ZBTB7C: variants seen among roughly 807,000 people sequenced by gnomAD.
ZBTB7C encodes zinc finger and BTB domain containing 7C, also known as zinc finger and BTB domain-containing protein 7C.
Under a neutral mutation model 25.7 loss-of-function variants are expected in ZBTB7C, and 8 were observed. The observed-to-expected ratio is 0.31, with a 90% CI of 0.18 to 0.56. ZBTB7C has a LOEUF of 0.56. ZBTB7C is among the 20% of genes least tolerant of loss of function. The probability of loss-of-function intolerance (pLI) is 0.91; values close to 1 mark genes in which losing one functional copy is unlikely to be tolerated. For missense variants in ZBTB7C, 824 were observed against 855.2 expected (o/e 0.96, Z 0.46); for synonymous variants, 394 against 369.0 (o/e 1.07, Z -0.78).
chr18:48,365,207 G>A (rs1006426680), intron 1 of ZBTB7C, among the ~76,000 whole-genome samples: 1 of 152,194 alleles, frequency 6.6e-6, no homozygotes, highest in Non-Finnish European at 1.5e-5. Flanking sequence ...AAACAGTTCT[G>A]CAGGGATTAC....
intron 2 of ZBTB7C, among the ~76,000 whole-genome samples, chr18:48,269,668 T>G (rs12455475): frequency 6.6e-6 from 1 of 152,098 alleles, no homozygotes; most frequent in Non-Finnish European, 1.5e-5. Context: ...ACCTCTCAAA[T>G]TACAAGAATA....
chr18:48,042,542 CA>C (rs2036294802), intron 3 of ZBTB7C, among the ~76,000 whole-genome samples: 1 of 152,166 alleles, frequency 6.6e-6, no homozygotes, highest in Admixed American at 6.5e-5. Flanking sequence ...AAGGCAGAGG[CA>C]GGGGGAGGGG....
chr18:48,043,924 G>C (rs1025745808), intron 3 of ZBTB7C, among the ~76,000 whole-genome samples: 5 of 152,132 alleles, frequency 3.3e-5, no homozygotes, highest in African/African-American at 1.2e-4. Context: ...GAGAGGAGGG[G>C]GGCGCTTTAC....
rs550350406 is a variant in ZBTB7C at position 48,391,161 on chromosome 18, G to C, written c.-304+18065C>G. On this transcript the variant is annotated intron_variant, in intron 1 of 4. Coordinates refer to ENST00000590800, the MANE Select transcript of ZBTB7C (RefSeq NM_001318841.2). ...CCAGAGAAGTAAAACCATGGCATCT[G>C]GGTGACCGCCGCCATGTGACGCAGC... Among the ~76,000 whole-genome samples, 184 of 152,318 alleles carry C rather than the reference G, an allele frequency of 1.2e-3. 1 individual carries two copies. The highest frequency in any genetic ancestry group is 2.1e-3 in the Non-Finnish European group (140 of 68,022).
At position 48,111,462 on chromosome 18, in the gene ZBTB7C, T is replaced by G. The variant is rs1027140755; in HGVS notation, c.-16-70339A>C. On this transcript the variant is annotated intron_variant, in intron 3 of 4. Transcript: ENST00000590800. ...CTTTAAGAGACTCCTTCTATGTCAT[T>G]TTCCCCCCATTTCCTCAATATTTGG... Among the ~76,000 whole-genome samples the G allele has an allele frequency of 2.6e-5, 4 of 152,308 alleles. No individual in the cohort carries two copies. In the East Asian group the frequency reaches 7.7e-4, roughly 29 times the overall value.
chr18:48,224,258 C>A (rs1249023944), intron 2 of ZBTB7C, among the ~76,000 whole-genome samples: 3 of 152,196 alleles, frequency 2.0e-5, no homozygotes, highest in African/African-American at 4.8e-5. Context: ...GCTCAGCACC[C>A]TCAGCCATCA....
At chr18:48,262,047 AG>A (rs10707104) in intron 2 of ZBTB7C, among the ~76,000 whole-genome samples, 42,920 of 152,102 alleles carry the variant, frequency 0.28, 6,148 homozygotes, top group Middle Eastern at 0.39. Flanking sequence ...TCACAGGGCT[AG>A]GGATTCACAT....
At chr18:48,313,533 G>A (rs1485391957) in intron 2 of ZBTB7C, among the ~76,000 whole-genome samples, 3 of 152,206 alleles carry the variant, frequency 2.0e-5, no homozygotes, top group Non-Finnish European at 4.4e-5. Flanking sequence ...CTCAAAGTAT[G>A]GTCCCTGGAC....
At chr18:48,307,592 G>C (rs985994153) in intron 2 of ZBTB7C, among the ~76,000 whole-genome samples, 6 of 152,244 alleles carry the variant, frequency 3.9e-5, no homozygotes, top group African/African-American at 7.2e-5. Flanking sequence ...GCTCACCCCT[G>C]TAATTCCAGC....
At position 48,040,486 on chromosome 18, in the gene ZBTB7C, G is replaced by A. The variant is rs1173673016; in HGVS notation, c.622C>T (p.Pro208Ser). 23 of 1,611,576 alleles carry A rather than the reference G, an allele frequency of 1.4e-5. No homozygotes were observed. The highest frequency in any genetic ancestry group is 1.6e-5 in the Non-Finnish European group (19 of 1,178,696). Residue 208 changes from proline (P) to serine (S), a missense_variant, in exon 4 of 5, where the codon CCT (proline) becomes TCT (serine). By Grantham distance (74) the Pro-to-Ser change is moderately conservative. Transcript: ENST00000590800. ...GGACTGCCAGCCTGGAAGGAGTCAGGGAAGTCCCTGGGGGTGTCTGAATAG... is the reference window on the plus strand; with the variant it reads ...GGACTGCCAGCCTGGAAGGAGTCAGAGAAGTCCCTGGGGGTGTCTGAATAG... ...KAYSDTPRDF[P>S]DSFQAGSPGH...
chr18:48,045,067 G>A lies in ZBTB7C; in HGVS notation c.-16-3944C>T, dbSNP rs140895439. On this transcript the variant is annotated intron_variant, in intron 3 of 4. Coordinates refer to ENST00000590800, the MANE Select transcript of ZBTB7C (RefSeq NM_001318841.2). The stretch of plus-strand genomic sequence containing the variant: ...AAAGGACAGTAGTCTCTGCTAACAC[G>A]TAATGAGTGGCCCAGACTGCAGGTT... Among the ~76,000 whole-genome samples the A allele has an allele frequency of 1.4e-4, 21 of 152,358 alleles. No homozygotes were observed. The East Asian group carries it at 3.1e-3, about 22-fold the overall frequency.
At chr18:48,391,375 C>T (rs1310160294) in intron 1 of ZBTB7C, among the ~76,000 whole-genome samples, 2 of 152,190 alleles carry the variant, frequency 1.3e-5, no homozygotes, top group Admixed American at 6.5e-5. Flanking sequence ...TCTGAAGTAA[C>T]ATGTTCAACT....
chr18:48,378,319 A>C (rs1253745879), intron 1 of ZBTB7C, among the ~76,000 whole-genome samples: 1 of 152,168 alleles, frequency 6.6e-6, no homozygotes, highest in African/African-American at 2.4e-5. Context: ...CCACACTGAA[A>C]ACAGGGGGAT....
chr18:48,227,926 G>A (rs565648633), intron 2 of ZBTB7C, among the ~76,000 whole-genome samples: 1 of 152,278 alleles, frequency 6.6e-6, no homozygotes, highest in Non-Finnish European at 1.5e-5. Context: ...GTACACTAAA[G>A]AGCATAACTT....
At chr18:48,121,528 C>G (rs1461708453) in intron 3 of ZBTB7C, among the ~76,000 whole-genome samples, 2 of 152,192 alleles carry the variant, frequency 1.3e-5, no homozygotes, top group Non-Finnish European at 2.9e-5. Context: ...TTAGCTCCCT[C>G]TGAGCCTGGA....
At chr18:48,290,405 G>C (rs1264280679) in intron 2 of ZBTB7C, among the ~76,000 whole-genome samples, 1 of 152,252 alleles carries the variant, frequency 6.6e-6, no homozygotes, top group Admixed American at 6.5e-5. Context: ...TGCGGGGAGA[G>C]GGTGGGCAAT....
chr18:48,240,525 G>A (rs1284563148), intron 2 of ZBTB7C, among the ~76,000 whole-genome samples: 3 of 152,186 alleles, frequency 2.0e-5, no homozygotes, highest in African/African-American at 7.2e-5. Flanking sequence ...GGTTAGAAGG[G>A]ATTGAGGTCC....
chr18:48,365,471 A>G (rs2047201432), intron 1 of ZBTB7C, among the ~76,000 whole-genome samples: 1 of 152,204 alleles, frequency 6.6e-6, no homozygotes, highest in South Asian at 2.1e-4. Flanking sequence ...GTAGAGTGGC[A>G]CTACAGACTC....
intron 3 of ZBTB7C, among the ~76,000 whole-genome samples, chr18:48,180,038 T>C (rs1355601391): frequency 6.9e-6 from 1 of 145,036 alleles, no homozygotes; most frequent in East Asian, 2.2e-4. Flanking sequence ...CTTCCTTCCC[T>C]GCTTCCTTCC....
Sources: gnomAD v4.1 joint callset for allele counts (sites outside exome capture counted in the v4.1 genomes callset) on GRCh38, gnomAD v4.1.1 for gene constraint, MANE v1.5 for transcripts, NCBI Gene and HGNC (gene_info 2026-07-23, HGNC 2026-07-21) for gene names.